C1QTNF2: variants seen among roughly 807,000 people sequenced by gnomAD.
C1QTNF2 encodes the protein complement C1q tumor necrosis factor-related protein 2.
A neutral mutation model predicts 17.4 loss-of-function variants in C1QTNF2; 15 were observed. The ratio of observed to expected loss-of-function variants is 0.86; its 90% CI spans 0.58 to 1.33. The LOEUF is 1.33. Ranked by LOEUF, C1QTNF2 falls within the 40% of genes most tolerant of loss-of-function variation. C1QTNF2 has a pLI of 0.00. For synonymous variants in C1QTNF2, 154 were observed against 163.3 expected (o/e 0.94, Z 0.44); for missense variants, 381 against 392.3 (o/e 0.97, Z 0.24).
intron 1 of C1QTNF2, among the ~76,000 whole-genome samples, chr5:160,367,768 C>T (rs1025477321): frequency 6.6e-6 from 1 of 152,236 alleles, no homozygotes; most frequent in African/African-American, 2.4e-5. Context: ...CCACAGTCCT[C>T]ACCACTCCCA....
At chr5:160,356,934 T>C (rs956394894) in intron 1 of C1QTNF2, among the ~76,000 whole-genome samples, 1 of 152,118 alleles carries the variant, frequency 6.6e-6, no homozygotes, top group Non-Finnish European at 1.5e-5. Flanking sequence ...GGGGAAGGCC[T>C]AGACTTGCAG....
At chr5:160,355,833 A>C (rs530316720) in intron 1 of C1QTNF2, among the ~76,000 whole-genome samples, 1 of 152,106 alleles carries the variant, frequency 6.6e-6, no homozygotes, top group East Asian at 1.9e-4. Context: ...CTCATCACCT[A>C]TCGTTAGTGT....
chr5:160,353,150 G>C (rs1185382717), intron 2 of C1QTNF2, among the ~76,000 whole-genome samples: 1 of 152,090 alleles, frequency 6.6e-6, no homozygotes, highest in Non-Finnish European at 1.5e-5. Context: ...TCTGTAACAT[G>C]GGGAAAATAA....
At position 160,349,607 on chromosome 5, in the gene C1QTNF2, G is replaced by A; in HGVS notation, c.419C>T (p.Pro140Leu). The change falls in exon 3 of 3, where the codon CCC (proline) becomes CTC (leucine). Residue 140 changes from proline to leucine, a missense_variant. Coordinates refer to ENST00000652664, the MANE Select transcript of C1QTNF2 (RefSeq NM_031908.6). The surrounding 1 kb of genome is among the most constrained non-coding windows in gnomAD (Gnocchi z 4.3). Reference protein sequence around the residue: ...GKKGEPGLPGPCSCGSGHTKS... With the variant: ...GKKGEPGLPGLCSCGSGHTKS... ...GGTATGGCCACTGCCACAGCTGCAG[G>A]GGCCTGGGAGGCCTGGCTCCCCCTT... The A allele has an allele frequency of 1.2e-6, 2 of 1,613,512 alleles. No individual in the cohort carries two copies. The highest frequency in any genetic ancestry group is 1.7e-6 in the Non-Finnish European group (2 of 1,179,914).
At chr5:160,357,526 C>CT (rs11427615) in intron 1 of C1QTNF2, among the ~76,000 whole-genome samples, 5,847 of 152,290 alleles carry the variant, frequency 0.038, 372 homozygotes, top group African/African-American at 0.13. Context: ...ATTTCTTTCC[C>CT]TGTCTACGTT....
chr5:160,354,627 TATATATAG>T lies in C1QTNF2; in HGVS notation c.244+133_244+140del, dbSNP rs1764002379. On this transcript the variant is annotated intron_variant, in intron 2 of 2. Coordinates refer to ENST00000652664, the MANE Select transcript of C1QTNF2 (RefSeq NM_031908.6). ...ATATATATATATATATATATATATA[TATATATAG>T]ATTTATAAGTAAATAGTAATTTGAT... is the stretch of plus-strand genomic sequence containing the variant. The T allele has an allele frequency of 1.5e-4, 31 of 208,826 alleles. 1 individual carries two copies. The highest frequency in any genetic ancestry group is 4.8e-4 in the African/African-American group (16 of 33,016). 12.9% of individuals were successfully genotyped at this position (208,826 alleles called of 1,614,324 possible).
chr5:160,359,218 T>C (rs1250066732), intron 1 of C1QTNF2, among the ~76,000 whole-genome samples: 2 of 152,188 alleles, frequency 1.3e-5, no homozygotes, highest in African/African-American at 4.8e-5. Context: ...CAGGGATTAA[T>C]GGAGATGGCA....
At chr5:160,365,014 T>C (rs1452308067) in intron 1 of C1QTNF2, among the ~76,000 whole-genome samples, 2 of 152,206 alleles carry the variant, frequency 1.3e-5, no homozygotes, top group African/African-American at 2.4e-5. Flanking sequence ...AAAGATGTAG[T>C]TGCTGCTCCT....
At chr5:160,369,088 GA>G (rs1764300989) in intron 1 of C1QTNF2, among the ~76,000 whole-genome samples, 1 of 151,450 alleles carries the variant, frequency 6.6e-6, no homozygotes, top group African/African-American at 2.4e-5. Flanking sequence ...CACAAATACA[GA>G]GTATATATAT....
intron 1 of C1QTNF2, among the ~76,000 whole-genome samples, chr5:160,357,856 CGAGA>C (rs1007228236): frequency 6.6e-6 from 1 of 150,516 alleles, no homozygotes; most frequent in African/African-American, 2.5e-5. Context: ...GCCAGCCGGA[CGAGA>C]GAGAGGGAGA....
Position 160,360,335 on chromosome 5 carries a change from C to T in C1QTNF2, c.-9-5315G>A, listed in dbSNP as rs377714201. On this transcript the variant is annotated intron_variant, in intron 1 of 2. Coordinates refer to ENST00000652664, the MANE Select transcript of C1QTNF2 (RefSeq NM_031908.6). ...TTGCTTAATTAGTAAGTGTTGGAGACGCAGACTCTGCCCTCAAGAAAATCC... is the reference window on the plus strand; with the variant it reads ...TTGCTTAATTAGTAAGTGTTGGAGATGCAGACTCTGCCCTCAAGAAAATCC... Among the ~76,000 whole-genome samples the T allele has an allele frequency of 4.7e-4, 72 of 152,310 alleles. 2 individuals carry two copies. The South Asian group carries it at 0.015, about 31-fold the overall frequency.
chr5:160,370,607 A>G lies in C1QTNF2; in HGVS notation c.-105T>C, dbSNP rs1764339179. 2 of 1,448,926 alleles carry G rather than the reference A, an allele frequency of 1.4e-6. No individual in the cohort carries two copies. The highest frequency in any genetic ancestry group is 1.8e-6 in the Non-Finnish European group (2 of 1,104,772). 89.8% of individuals were successfully genotyped at this position (1,448,926 alleles called of 1,614,324 possible). A position where few individuals can be genotyped will look rare whatever the true frequency, so the allele number is the denominator to read the frequency against. On this transcript the variant is annotated 5_prime_UTR_variant, in exon 1 of 3. Coordinates refer to ENST00000652664, the MANE Select transcript of C1QTNF2 (RefSeq NM_031908.6). ...CTTTCCTCAGCGGCAGCAGCCGGGCAGAGCGTCGGCCCCAGGCATAGTTTT... is the reference window on the plus strand; with the variant it reads ...CTTTCCTCAGCGGCAGCAGCCGGGCGGAGCGTCGGCCCCAGGCATAGTTTT...
chr5:160,359,276 C>T (rs1450368056), intron 1 of C1QTNF2, among the ~76,000 whole-genome samples: 2 of 151,618 alleles, frequency 1.3e-5, no homozygotes, highest in African/African-American at 4.9e-5. Flanking sequence ...TAATCCATGC[C>T]ACCTTGCTTC....
chr5:160,354,836 C>T lies in C1QTNF2; in HGVS notation c.176G>A (p.Arg59Gln), dbSNP rs759937511. The T allele has an allele frequency of 9.9e-6, 16 of 1,613,112 alleles. No individual in the cohort carries two copies. Among genetic ancestry groups the T allele is most frequent in the African/African-American group, 6.7e-5 (5 of 74,872 alleles). ...GCCGTCTTTGCCAGGAAAGCCCATT[C>T]GTCCCATCATTCCTGAGGGCCCTGG... ...GAPGPSGMMG[R>Q]MGFPGKDGQD... is the part of the protein sequence containing the mutation. Residue 59 changes from arginine (R) to glutamine (Q), a missense_variant, in exon 2 of 3, where the codon CGA (arginine) becomes CAA (glutamine). Transcript: ENST00000652664.
At chr5:160,358,375 G>A (rs773613118) in intron 1 of C1QTNF2, among the ~76,000 whole-genome samples, 78 of 152,218 alleles carry the variant, frequency 5.1e-4, no homozygotes, top group Non-Finnish European at 9.4e-4. Flanking sequence ...CTACACAAGG[G>A]TGTCGAGAAA....
intron 1 of C1QTNF2, among the ~76,000 whole-genome samples, chr5:160,361,400 T>G (rs1263528319): frequency 6.6e-6 from 1 of 152,196 alleles, no homozygotes; most frequent in Non-Finnish European, 1.5e-5. Context: ...ATACTTGTCT[T>G]GAGCAAGCCT....
At chr5:160,354,631 T>TATATATATATATATATATATAG (rs1314517787) in intron 2 of C1QTNF2, 137 bp downstream of exon 2, 8 of 223,544 alleles carry the variant, frequency 3.6e-5, no homozygotes, top group East Asian at 1.2e-4. Context: ...TATATATATA[T>TATATATATATATATATATATAG]ATAGATTTAT....
intron 2 of C1QTNF2, among the ~76,000 whole-genome samples, chr5:160,350,464 G>A (rs1227204198): frequency 6.6e-6 from 1 of 152,182 alleles, no homozygotes; most frequent in Non-Finnish European, 1.5e-5. Flanking sequence ...AGCACTTTGG[G>A]AAGCTGGGAC....
intron 1 of C1QTNF2, among the ~76,000 whole-genome samples, chr5:160,363,205 C>G (rs889216975): frequency 3.3e-5 from 5 of 152,310 alleles, no homozygotes; most frequent in Admixed American, 3.3e-4. Context: ...ACTCCACGCC[C>G]TCCCTGAATT....
Sources: allele counts gnomAD v4.1 joint callset (sites outside exome capture counted in the v4.1 genomes callset), GRCh38; gene constraint gnomAD v4.1.1; non-coding constraint Gnocchi (gnomAD v3.1); transcripts MANE v1.5; gene names NCBI Gene and HGNC (gene_info 2026-07-23, HGNC 2026-07-21).